KCNK17: variants seen among roughly 807,000 people sequenced by gnomAD.
The protein encoded by KCNK17 is potassium channel subfamily K member 17.
Under a neutral mutation model 24.6 loss-of-function variants are expected in KCNK17, and 27 were observed. The observed-to-expected ratio is 1.10, with a 90% CI of 0.81 to 1.51. The LOEUF (loss-of-function observed/expected upper bound fraction) is 1.51, where lower values mean the gene tolerates loss of function less well. KCNK17 is among the 40% of genes most tolerant of loss of function. KCNK17 has a pLI of 0.00. For synonymous variants in KCNK17, 181 were observed against 189.8 expected, an observed-to-expected ratio of 0.95 and a Z score of 0.38; for missense variants, 450 against 436.6, an observed-to-expected ratio of 1.03 and a Z score of -0.27.
intron 4 of KCNK17, 122 bp from the exon 5 acceptor site, chr6:39,299,859 C>A (rs1182277281): frequency 4.0e-6 from 4 of 996,958 alleles, no homozygotes; most frequent in African/African-American, 1.6e-5. Flanking sequence ...TGGGACAGAA[C>A]ATGGAGACTC....
intron 4 of KCNK17, chr6:39,300,472 A>G: frequency 6.5e-7 from 1 of 1,550,008 alleles, no homozygotes; most frequent in Non-Finnish European, 8.7e-7. Flanking sequence ...TGTCCGCTCT[A>G]GTGTTTGCCA....
rs1194046729 is a variant in KCNK17, at chr6:39,304,721, C to T, written c.353-66G>A. ...GCCCTGTCCACTCACCACCACAGCCCCACTCCTGGGCCCAACCCCCAGGGC... is the reference window on the plus strand; with the variant it reads ...GCCCTGTCCACTCACCACCACAGCCTCACTCCTGGGCCCAACCCCCAGGGC... On this transcript the variant is annotated intron_variant, in intron 2 of 4. Coordinates refer to ENST00000373231, the MANE Select transcript of KCNK17 (RefSeq NM_031460.4). 1.9e-6 allele frequency: 3 copies of T among 1,551,976 alleles called. No individual in the cohort carries two copies. In the Admixed American group the frequency reaches 5.1e-5, roughly 26 times the overall value.
At chr6:39,307,235 C>T (rs2113838080) in intron 2 of KCNK17, among the ~76,000 whole-genome samples, 1 of 152,272 alleles carries the variant, frequency 6.6e-6, no homozygotes, top group African/African-American at 2.4e-5. Flanking sequence ...TGTGAGCTTG[C>T]AAGCATCTGG....
At chr6:39,311,119 CAAACAA>C (rs1337177049) in intron 1 of KCNK17, 112 bp from the exon 2 acceptor site, 1 of 526,352 alleles carries the variant, frequency 1.9e-6, no homozygotes, top group African/African-American at 2.6e-5. Flanking sequence ...CACACACACA[CAAACAA>C]ACCTACACAC....
intron 4 of KCNK17, chr6:39,300,338 G>A (rs759781077): frequency 2.7e-6 from 2 of 742,074 alleles, no homozygotes; most frequent in Non-Finnish European, 2.4e-6. Flanking sequence ...TGCCCAGGCT[G>A]GTCTTGAACT....
intron 4 of KCNK17, chr6:39,300,445 C>G (rs1453297710): frequency 1.9e-5 from 29 of 1,527,072 alleles, no homozygotes; most frequent in Non-Finnish European, 2.4e-5. Context: ...TTTTAACAAG[C>G]CCCCAGAGGA....
chr6:39,302,310 T>C (rs934844158), intron 4 of KCNK17, among the ~76,000 whole-genome samples: 1 of 151,272 alleles, frequency 6.6e-6, no homozygotes, highest in Admixed American at 6.6e-5. Flanking sequence ...TCAGATTGTA[T>C]TGGTAGGAGG....
chr6:39,304,305 A>G, intron 3 of KCNK17, 174 bp from the exon 4 acceptor site: 1 of 777,934 alleles, frequency 1.3e-6, no homozygotes, highest in Non-Finnish European at 2.0e-6. Flanking sequence ...CTGTCTGCCC[A>G]GTCCCACCCC....
chr6:39,306,078 C>G (rs1385853366), intron 2 of KCNK17, among the ~76,000 whole-genome samples: 1 of 147,972 alleles, frequency 6.8e-6, no homozygotes, highest in South Asian at 2.1e-4. Context: ...TAGTTTCGCT[C>G]TCTTGCCCAG....
intron 2 of KCNK17, among the ~76,000 whole-genome samples, chr6:39,306,489 T>C (rs761081378): frequency 6.6e-5 from 10 of 152,234 alleles, no homozygotes; most frequent in Non-Finnish European, 1.2e-4. Flanking sequence ...TGTAAGTAAA[T>C]GAACAAATGC....
Position 39,304,084 on chromosome 6 carries a change from C to A in KCNK17, c.561G>T (p.Ser187=), listed in dbSNP as rs1002224382. The change falls in exon 4 of 5, where the codon TCG becomes TCT. Residue 187 remains serine, a synonymous_variant. Coordinates refer to ENST00000373231, the MANE Select transcript of KCNK17 (RefSeq NM_031460.4). ...GCAGCAGCAGGAAGAGCAGGAGGCC[C>A]GAGAGGAGGGCGCCAGAGCCCGCCA... is the stretch of plus-strand genomic sequence containing the variant. ...RWLAGSGALL[S]GLLLFLLLPP... The A allele has an allele frequency of 6.2e-7, 1 of 1,612,312 alleles. No homozygotes were observed. The highest frequency in any genetic ancestry group is 1.7e-5 in the Admixed American group (1 of 60,014).
At chr6:39,300,237 C>G (rs1761928020) in intron 4 of KCNK17, 1 of 528,762 alleles carries the variant, frequency 1.9e-6, no homozygotes, top group Non-Finnish European at 3.4e-6. Context: ...ATTCTCCTGC[C>G]TCAGCCTCCC....
At position 39,314,173 on chromosome 6, in the gene KCNK17, C is replaced by T; in HGVS notation, c.148G>A (p.Asp50Asn). ...FWTLEGRAAQ[D>N]SSRSFQRDKW... ...TCGCGCTGGAAGCTGCGGCTGGAGT[C>T]CTGCGCCGCGCGGCCCTCCAGCGTC... Residue 50 changes from aspartate (D) to asparagine (N), a missense_variant, in exon 1 of 5, where the codon GAC becomes AAC. By Grantham distance (23) the Asp-to-Asn change is conservative (BLOSUM62 1). Coordinates refer to ENST00000373231, the MANE Select transcript of KCNK17 (RefSeq NM_031460.4). 1.3e-6 allele frequency: 2 copies of T among 1,562,948 alleles called. No homozygotes were observed. Among genetic ancestry groups the T allele is most frequent in the Non-Finnish European group, 8.6e-7 (1 of 1,158,102 alleles).
intron 2 of KCNK17, among the ~76,000 whole-genome samples, chr6:39,306,602 T>G (rs1355381101): frequency 6.6e-6 from 1 of 152,054 alleles, no homozygotes; most frequent in Non-Finnish European, 1.5e-5. Flanking sequence ...GAAACCAATG[T>G]TTACATCCAC....
intron 1 of KCNK17, among the ~76,000 whole-genome samples, chr6:39,313,754 G>A: frequency 6.6e-6 from 1 of 151,792 alleles, no homozygotes; most frequent in East Asian, 2.0e-4. Context: ...GCCCCCTGCC[G>A]TAGTCGTCCT....
chr6:39,300,082 G>T (rs1761923799), intron 4 of KCNK17, among the ~76,000 whole-genome samples: 1 of 152,224 alleles, frequency 6.6e-6, no homozygotes, highest in Non-Finnish European at 1.5e-5. Flanking sequence ...CAGACCTACT[G>T]GATCAGAAAC....
chr6:39,299,330 T>A lies in KCNK17; in HGVS notation c.*97A>T. 2.2e-6 allele frequency: 2 copies of A among 899,836 alleles called. No individual in the cohort carries two copies. 55.7% of individuals were successfully genotyped at this position (899,836 alleles called of 1,614,324 possible). A position where few individuals can be genotyped will look rare whatever the true frequency, so the allele number is the denominator to read the frequency against. ...ATATAGCTGCACCCAGCCTCTAGGG[T>A]GGATGGAAAATGTAGTCTTTAGTTT... On this transcript the variant is annotated 3_prime_UTR_variant, in exon 5 of 5. Coordinates refer to ENST00000373231, the MANE Select transcript of KCNK17 (RefSeq NM_031460.4).
In KCNK17 at chr6:39,314,340, C is replaced by T. The variant is rs1375134256; in HGVS notation, c.-20G>A. On this transcript the variant is annotated 5_prime_UTR_variant, in exon 1 of 5. Coordinates refer to ENST00000373231, the MANE Select transcript of KCNK17 (RefSeq NM_031460.4). ...GTACATAGCGGGAGAGGCGGGGAGC[C>T]GGCGCCGGGAGCGGTGGACTAGGAC... 4 of 1,386,566 alleles carry T rather than the reference C, an allele frequency of 2.9e-6. No individual in the cohort carries two copies. The African/African-American group carries it at 4.5e-5, about 16-fold the overall frequency. The allele number at this position is 1,386,566 out of a possible 1,614,324, so 85.9% of individuals were successfully genotyped here. A position where few individuals can be genotyped will look rare whatever the true frequency, so the allele number is the denominator to read the frequency against.
At chr6:39,300,642 C>T (rs1761937664) in intron 4 of KCNK17, 1 of 1,050,844 alleles carries the variant, frequency 9.5e-7, no homozygotes, top group Admixed American at 2.1e-5. Flanking sequence ...GACTGCGCCC[C>T]CTTGGCTTTT....
Sources: gnomAD v4.1 joint callset for allele counts (sites outside exome capture counted in the v4.1 genomes callset) on GRCh38, gnomAD v4.1.1 for gene constraint, MANE v1.5 for transcripts, NCBI Gene and HGNC (gene_info 2026-07-23, HGNC 2026-07-21) for gene names.